Variants in CIMIP2B observed in about 807,000 individuals in gnomAD.
CIMIP2B encodes the protein ciliary microtubule inner protein 2B.
the CIMIP2B span, chr9:35,562,633 AC>A: frequency 2.5e-6 from 4 of 1,612,088 alleles, no homozygotes; most frequent in Non-Finnish European, 3.4e-6. Flanking sequence ...TCTGATCCTG[AC>A]CCCCCAGCTC....
At chr9:35,562,627 A>T in the CIMIP2B span, 1 of 1,612,604 alleles carries the variant, frequency 6.2e-7, no homozygotes, top group Non-Finnish European at 8.5e-7. Flanking sequence ...CACGCCTCTG[A>T]TCCTGACCCC....
At chr9:35,563,445 G>A in the CIMIP2B span, 4 of 1,384,250 alleles carry the variant, frequency 2.9e-6, no homozygotes, top group Non-Finnish European at 4.0e-6. Context: ...ATCCCCAGAG[G>A]CAGAAGCGGA....
At chr9:35,563,260 A>C in the CIMIP2B span, 45 of 1,613,834 alleles carry the variant, frequency 2.8e-5, no homozygotes, top group African/African-American at 5.1e-4. Flanking sequence ...TTGGAGGCCG[A>C]ATGGGAGGCA....
At chr9:35,562,431 T>C in the CIMIP2B span, 1 of 1,569,094 alleles carries the variant, frequency 6.4e-7, no homozygotes, top group Non-Finnish European at 8.6e-7. Context: ...TGAGGGTATG[T>C]TCTGGGAAGT....
At chr9:35,562,338 A>G in the CIMIP2B span, 1 of 1,408,758 alleles carries the variant, frequency 7.1e-7, no homozygotes, top group South Asian at 1.5e-5. Context: ...CCATACAAAC[A>G]AACATTCCAG....
chr9:35,562,509 G>C, the CIMIP2B span: 1 of 1,576,912 alleles, frequency 6.3e-7, no homozygotes, highest in Admixed American at 1.9e-5. Context: ...TGCAGTGCCT[G>C]GTTGGTGAGC....
At chr9:35,563,467 C>A in the CIMIP2B span, 23 of 1,153,638 alleles carry the variant, frequency 2.0e-5, no homozygotes, top group Middle Eastern at 2.4e-4. Context: ...ACCTCTGAAG[C>A]CCTGATCTTT....
the CIMIP2B span, chr9:35,563,226 T>C: frequency 1.1e-5 from 18 of 1,613,500 alleles, no homozygotes; most frequent in Admixed American, 2.8e-4. Flanking sequence ...ACAGGTAGAC[T>C]CTCCCTGGGA....
chr9:35,562,619 C>A, the CIMIP2B span: 2 of 1,612,044 alleles, frequency 1.2e-6, no homozygotes, highest in African/African-American at 1.3e-5. Context: ...GGCCTCCCCA[C>A]GCCTCTGATC....
the CIMIP2B span, chr9:35,563,110 T>TA: frequency 6.2e-7 from 1 of 1,613,394 alleles, no homozygotes. Context: ...GAAGACTCGT[T>TA]AGTGTTTGGA....
At chr9:35,563,367 G>C in the CIMIP2B span, 2 of 1,612,930 alleles carry the variant, frequency 1.2e-6, no homozygotes, top group South Asian at 1.1e-5. Flanking sequence ...CTGAACCGAA[G>C]TAGTGGGCAG....
At chr9:35,562,070 T>TGTG in the CIMIP2B span, 1 of 1,535,316 alleles carries the variant, frequency 6.5e-7, no homozygotes, top group East Asian at 2.4e-5. Flanking sequence ...GATGGCCAAA[T>TGTG]GTGTGGCCAA....
chr9:35,562,854 C>T, the CIMIP2B span: 32 of 1,613,892 alleles, frequency 2.0e-5, no homozygotes, highest in African/African-American at 1.3e-4. Context: ...TCTGCACTCC[C>T]CACCAGCTTC....
At chr9:35,562,463 T>C in the CIMIP2B span, 42 of 1,584,644 alleles carry the variant, frequency 2.7e-5, 1 homozygote, top group Admixed American at 5.2e-4. Flanking sequence ...TTTGGGGTCC[T>C]GGGCACTGCC....
chr9:35,563,506 C>T, the CIMIP2B span: 3 of 852,088 alleles, frequency 3.5e-6, no homozygotes, highest in Non-Finnish European at 5.5e-6. Context: ...ATATTTGGAG[C>T]AGGCATTTCT....
chr9:35,563,242 A>G, the CIMIP2B span: 2 of 1,613,802 alleles, frequency 1.2e-6, no homozygotes, highest in South Asian at 1.1e-5. Flanking sequence ...TGGGAACCTC[A>G]GGAGATCTTG....
the CIMIP2B span, chr9:35,563,387 T>C: frequency 1.2e-6 from 2 of 1,606,962 alleles, no homozygotes; most frequent in South Asian, 2.2e-5. Context: ...GTGTCCAGTG[T>C]ACCTGCAGCA....
chr9:35,562,694 G>C, the CIMIP2B span: 2 of 1,613,668 alleles, frequency 1.2e-6, no homozygotes, highest in Non-Finnish European at 1.7e-6. Context: ...ATGGAGTAGG[G>C]AGAAGCCTGT....
chr9:35,563,103 G>A, the CIMIP2B span: 1 of 1,613,586 alleles, frequency 6.2e-7, no homozygotes, highest in African/African-American at 1.3e-5. Context: ...GGACAAGGAA[G>A]ACTCGTTAGT....
Sources: gnomAD v4.1 joint callset for allele counts on GRCh38, gnomAD v4.1.1 for gene constraint, MANE v1.5 for transcripts, NCBI Gene and HGNC (gene_info 2026-07-23, HGNC 2026-07-21) for gene names.